The following ACVR2A variants were observed in gnomAD, a reference collection of about 807,000 sequenced individuals.
The protein encoded by ACVR2A is activin receptor type-2A.
Under a neutral mutation model 61.4 loss-of-function variants are expected in ACVR2A, and 7 were observed. The ratio of observed to expected loss-of-function variants is 0.11; its 90% CI spans 0.06 to 0.21. The LOEUF (loss-of-function observed/expected upper bound fraction) is 0.21, where lower values mean the gene tolerates loss of function less well. ACVR2A is among the 10% of genes least tolerant of loss of function. The pLI is 1.00. For synonymous variants in ACVR2A, 193 were observed against 208.3 expected, an observed-to-expected ratio of 0.93 and a Z score of 0.63; for missense variants, 322 against 621.7, an observed-to-expected ratio of 0.52 and a Z score of 5.13.
chr2:147,896,166 A>G (rs757519597), intron 1 of ACVR2A, 135 bp from the exon 2 acceptor site: 1 of 704,724 alleles, frequency 1.4e-6, no homozygotes, highest in Non-Finnish European at 2.3e-6. Flanking sequence ...TAACCTGGAA[A>G]CCTAAACCCA....
chr2:147,860,979 A>G lies in ACVR2A; in HGVS notation c.55+15772A>G, dbSNP rs574061280. 4.6e-5 allele frequency among the ~76,000 whole-genome samples: 7 copies of G among 152,332 alleles called. No individual in the cohort carries two copies. The South Asian group carries it at 1.5e-3, about 32-fold the overall frequency. Reference sequence around the variant, plus strand: ...TTTTCAGTGTAAAGTTAGTGTGTTCAGCTTAGGTTAAGAGTATTGAAGCCA... The same window carrying G: ...TTTTCAGTGTAAAGTTAGTGTGTTCGGCTTAGGTTAAGAGTATTGAAGCCA... On this transcript the variant is annotated intron_variant, in intron 1 of 10. Coordinates refer to ENST00000241416, the MANE Select transcript of ACVR2A (RefSeq NM_001616.5).
intron 9 of ACVR2A, among the ~76,000 whole-genome samples, chr2:147,923,600 TTTTA>T (rs1416153846): frequency 6.6e-6 from 1 of 152,060 alleles, no homozygotes; most frequent in Non-Finnish European, 1.5e-5. Context: ...AGATATTTGC[TTTTA>T]TTTATTTATT....
intron 1 of ACVR2A, among the ~76,000 whole-genome samples, chr2:147,864,287 T>C (rs1685799473): frequency 6.6e-6 from 1 of 152,172 alleles, no homozygotes; most frequent in African/African-American, 2.4e-5. Flanking sequence ...TGGAGTGCAG[T>C]GGCGCGATGT....
chr2:147,916,457 G>C (rs548684157), intron 5 of ACVR2A, among the ~76,000 whole-genome samples: 65 of 151,834 alleles, frequency 4.3e-4, no homozygotes, highest in Non-Finnish European at 7.7e-4. Context: ...ATATGTGTAC[G>C]TATATTACCC....
intron 1 of ACVR2A, among the ~76,000 whole-genome samples, chr2:147,882,647 A>G (rs916194353): frequency 2.0e-5 from 3 of 152,202 alleles, no homozygotes; most frequent in Non-Finnish European, 1.5e-5. Flanking sequence ...TGCCACATGC[A>G]CATTGTCTAG....
chr2:147,883,046 G>T (rs1686346979), intron 1 of ACVR2A, among the ~76,000 whole-genome samples: 1 of 152,102 alleles, frequency 6.6e-6, no homozygotes, highest in Non-Finnish European at 1.5e-5. Flanking sequence ...GATAACTTTT[G>T]AACAGTGTTA....
At chr2:147,867,622 A>G (rs77761077) in intron 1 of ACVR2A, among the ~76,000 whole-genome samples, 511 of 152,226 alleles carry the variant, frequency 3.4e-3, no homozygotes, top group East Asian at 8.1e-3. Flanking sequence ...CACCAGGGAA[A>G]CAGAAAACTT....
intron 1 of ACVR2A, among the ~76,000 whole-genome samples, chr2:147,877,112 T>C (rs976813258): frequency 1.3e-5 from 2 of 152,158 alleles, no homozygotes; most frequent in African/African-American, 2.4e-5. Flanking sequence ...CTTATTTAGT[T>C]TTTGGTATTC....
chr2:147,929,174 T>G lies in ACVR2A; in HGVS notation c.*1900T>G, dbSNP rs1436351769. The G allele has an allele frequency of 1.3e-5, 2 of 152,228 alleles. No homozygotes were observed. The highest frequency in any genetic ancestry group is 6.6e-5 in the Admixed American group (1 of 15,216). The allele number at this position is 152,228 out of a possible 1,614,324, so 9.4% of individuals were successfully genotyped here. On this transcript the variant is annotated 3_prime_UTR_variant, in exon 11 of 11. Transcript: ENST00000241416. ...TGTGTCCCCATGGTCTCATTCATTG[T>G]ATTCCTAGCAATTCCCTTTTCAATG...
intron 1 of ACVR2A, among the ~76,000 whole-genome samples, chr2:147,895,710 T>TA (rs1388305344): frequency 6.6e-6 from 1 of 152,172 alleles, no homozygotes; most frequent in Non-Finnish European, 1.5e-5. Flanking sequence ...GTTCCTTATT[T>TA]TTAAAATAAT....
chr2:147,850,167 CCTT>C (rs1558957751), intron 1 of ACVR2A, among the ~76,000 whole-genome samples: 1 of 152,052 alleles, frequency 6.6e-6, no homozygotes, highest in African/African-American at 2.4e-5. Flanking sequence ...CATTTTCCTC[CCTT>C]CTTTGTCTAC....
At chr2:147,880,935 G>A (rs189960735) in intron 1 of ACVR2A, among the ~76,000 whole-genome samples, 1 of 152,116 alleles carries the variant, frequency 6.6e-6, no homozygotes, top group Non-Finnish European at 1.5e-5. Flanking sequence ...CATTCTGAAG[G>A]GGAAAACACT....
At chr2:147,862,693 G>C (rs560140618) in intron 1 of ACVR2A, among the ~76,000 whole-genome samples, 1 of 151,682 alleles carries the variant, frequency 6.6e-6, no homozygotes, top group East Asian at 1.9e-4. Flanking sequence ...GCAGTGAGCC[G>C]AGATTGCGCC....
chr2:147,865,952 C>T (rs1366905268), intron 1 of ACVR2A, among the ~76,000 whole-genome samples: 1 of 152,044 alleles, frequency 6.6e-6, no homozygotes, highest in African/African-American at 2.4e-5. Context: ...TAGGAGTTCA[C>T]CAGGTAAATA....
intron 1 of ACVR2A, among the ~76,000 whole-genome samples, chr2:147,878,789 G>A (rs955079187): frequency 5.9e-5 from 9 of 152,030 alleles, no homozygotes; most frequent in Non-Finnish European, 5.9e-5. Flanking sequence ...GCCACCTGCA[G>A]TCCCAGCTAT....
intron 6 of ACVR2A, 104 bp from the exon 7 acceptor site, chr2:147,918,343 C>T: frequency 2.1e-6 from 2 of 951,888 alleles, no homozygotes; most frequent in Non-Finnish European, 3.0e-6. Flanking sequence ...ATTATTTTTC[C>T]CTGAAAGGGA....
chr2:147,852,621 C>G (rs1685474293), intron 1 of ACVR2A, among the ~76,000 whole-genome samples: 1 of 152,050 alleles, frequency 6.6e-6, no homozygotes, highest in African/African-American at 2.4e-5. Flanking sequence ...AAGGTCTTCT[C>G]TCTTTTGGAC....
chr2:147,847,951 A>G (rs1268581837), intron 1 of ACVR2A, among the ~76,000 whole-genome samples: 1 of 152,248 alleles, frequency 6.6e-6, no homozygotes, highest in African/African-American at 2.4e-5. Context: ...TTTGAGTTGC[A>G]TAGAAGTAAG....
intron 4 of ACVR2A, among the ~76,000 whole-genome samples, chr2:147,909,768 G>A (rs1300575731): frequency 2.0e-5 from 3 of 152,082 alleles, no homozygotes; most frequent in African/African-American, 7.2e-5. Context: ...CATCCGAGTA[G>A]CTGGGACCAC....
Sources: gnomAD v4.1 joint callset for allele counts (sites outside exome capture counted in the v4.1 genomes callset) on GRCh38, gnomAD v4.1.1 for gene constraint, MANE v1.5 for transcripts, NCBI Gene and HGNC (gene_info 2026-07-23, HGNC 2026-07-21) for gene names.